Variants in SHISA9 observed in about 807,000 individuals in gnomAD.
SHISA9 encodes protein shisa-9.
A neutral mutation model predicts 38.0 loss-of-function variants in SHISA9; 13 were observed. The ratio of observed to expected loss-of-function variants is 0.34; its 90% confidence interval spans 0.22 to 0.54. The LOEUF (loss-of-function observed/expected upper bound fraction) is 0.54, where lower values mean the gene tolerates loss of function less well. Ranked by LOEUF, SHISA9 falls within the 20% of genes least tolerant of loss-of-function variation. The pLI is 0.91. For synonymous variants in SHISA9, 275 were observed against 242.0 expected (o/e 1.14, Z -1.27); for missense variants, 538 against 575.8 (o/e 0.93, Z 0.67).
At chr16:13,446,109 G>GT in the SHISA9 span, among the ~76,000 whole-genome samples, 1 of 151,844 alleles carries the variant, frequency 6.6e-6, no homozygotes, top group African/African-American at 2.4e-5. Context: ...TGCCCAGTTA[G>GT]TTTTTTTGTG....
intron 2 of SHISA9, among the ~76,000 whole-genome samples, chr16:13,012,070 C>T (rs947442937): frequency 6.6e-6 from 1 of 152,172 alleles, no homozygotes; most frequent in African/African-American, 2.4e-5. Context: ...ATGTGATCCA[C>T]CCACCTCGGC....
chr16:13,367,773 G>A, the SHISA9 span, among the ~76,000 whole-genome samples: 23,074 of 150,400 alleles, frequency 0.15, 1,898 homozygotes, highest in Non-Finnish European at 0.18. Flanking sequence ...CTGAGAACAT[G>A]GATGTGCTAA....
chr16:13,234,706 A>G (rs1402290308), intron 4 of SHISA9, among the ~76,000 whole-genome samples: 2 of 152,242 alleles, frequency 1.3e-5, no homozygotes, highest in East Asian at 3.9e-4. Flanking sequence ...AAAAGAAACA[A>G]CACGCGAATT....
At chr16:13,039,845 A>G (rs1311956322) in intron 2 of SHISA9, among the ~76,000 whole-genome samples, 1 of 152,126 alleles carries the variant, frequency 6.6e-6, no homozygotes. Context: ...CCAGGCCCTG[A>G]CAGTTTACAG....
At chr16:13,341,893 C>A in the SHISA9 span, among the ~76,000 whole-genome samples, 1 of 152,182 alleles carries the variant, frequency 6.6e-6, no homozygotes, top group Non-Finnish European at 1.5e-5. Flanking sequence ...TATCTCTGTT[C>A]CAATCCTTTT....
the SHISA9 span, among the ~76,000 whole-genome samples, chr16:13,384,937 A>G: frequency 3.3e-5 from 5 of 152,226 alleles, no homozygotes; most frequent in South Asian, 2.1e-4. Flanking sequence ...GTAAAGAAGT[A>G]GTATCTGTAA....
At chr16:12,989,312 G>C (rs748106831) in intron 2 of SHISA9, among the ~76,000 whole-genome samples, 9 of 151,956 alleles carry the variant, frequency 5.9e-5, no homozygotes, top group Non-Finnish European at 1.0e-4. Flanking sequence ...TGAGTAGCTG[G>C]GATTACAGGT....
intron 2 of SHISA9, among the ~76,000 whole-genome samples, chr16:13,129,375 C>T (rs539339456): frequency 6.6e-6 from 1 of 152,198 alleles, no homozygotes; most frequent in African/African-American, 2.4e-5. Context: ...CTCCTAAGTT[C>T]TTGGAGTCCT....
chr16:12,932,404 C>T (rs753572534), intron 2 of SHISA9, among the ~76,000 whole-genome samples: 41 of 152,144 alleles, frequency 2.7e-4, no homozygotes, highest in East Asian at 7.7e-4. Context: ...TGCAGTGGTG[C>T]GATCTGGACT....
At chr16:13,121,851 A>G (rs1235769138) in intron 2 of SHISA9, among the ~76,000 whole-genome samples, 3 of 145,376 alleles carry the variant, frequency 2.1e-5, no homozygotes, top group African/African-American at 5.3e-5. Flanking sequence ...ACACACACAC[A>G]CACACACACA....
intron 4 of SHISA9, among the ~76,000 whole-genome samples, chr16:13,224,257 T>C (rs2051257418): frequency 6.6e-6 from 1 of 152,214 alleles, no homozygotes; most frequent in South Asian, 2.1e-4. Context: ...ATCCCTGCCT[T>C]CTTCACCTGA....
chr16:13,052,892 T>C (rs1240102902), intron 2 of SHISA9, among the ~76,000 whole-genome samples: 1 of 152,126 alleles, frequency 6.6e-6, no homozygotes, highest in Non-Finnish European at 1.5e-5. Context: ...AGAATTTAAG[T>C]TAATTACTCA....
intron 2 of SHISA9, among the ~76,000 whole-genome samples, chr16:13,137,049 T>G (rs2050356002): frequency 6.6e-6 from 1 of 152,218 alleles, no homozygotes. Context: ...TGATACCACC[T>G]TGCATTCTCC....
intron 2 of SHISA9, among the ~76,000 whole-genome samples, chr16:13,057,713 A>G (rs953988379): frequency 6.6e-6 from 1 of 152,186 alleles, no homozygotes; most frequent in Admixed American, 6.5e-5. Flanking sequence ...TTACATAGGT[A>G]AACGTGTGCC....
intron 1 of SHISA9, among the ~76,000 whole-genome samples, chr16:12,914,807 G>T (rs1178067136): frequency 6.6e-6 from 1 of 152,172 alleles, no homozygotes; most frequent in Admixed American, 6.5e-5. Flanking sequence ...GCAGGTTGCT[G>T]GGTGAACTCC....
At chr16:13,529,172 T>C in the SHISA9 span, among the ~76,000 whole-genome samples, 2 of 152,254 alleles carry the variant, frequency 1.3e-5, no homozygotes, top group Admixed American at 6.5e-5. Flanking sequence ...ATCGTAAGAC[T>C]GATAGAATGG....
the SHISA9 span, among the ~76,000 whole-genome samples, chr16:13,469,338 G>GAA: frequency 8.9e-6 from 1 of 112,904 alleles, no homozygotes; most frequent in Non-Finnish European, 1.8e-5. Context: ...AAGAAAGAAA[G>GAA]AAAGAAAGAA....
intron 4 of SHISA9, among the ~76,000 whole-genome samples, chr16:13,232,572 T>C (rs1263167688): frequency 6.6e-6 from 1 of 152,206 alleles, no homozygotes; most frequent in Non-Finnish European, 1.5e-5. Context: ...CCTGAGAACA[T>C]GTGCCCAGGG....
chr16:13,317,454 A>T, the SHISA9 span, among the ~76,000 whole-genome samples: 2 of 152,006 alleles, frequency 1.3e-5, no homozygotes, highest in Non-Finnish European at 2.9e-5. Context: ...CTTTTTTTAA[A>T]TTTTATTATT....
Sources: allele counts gnomAD v4.1 joint callset (sites outside exome capture counted in the v4.1 genomes callset), GRCh38; gene constraint gnomAD v4.1.1; transcripts MANE v1.5; gene names NCBI Gene and HGNC (gene_info 2026-07-23, HGNC 2026-07-21).